The following NIPBL variants were observed in gnomAD, a reference collection of about 807,000 sequenced individuals.
NIPBL encodes the protein NIPBL cohesin loading factor.
Under a neutral mutation model 321.8 loss-of-function variants are expected in NIPBL, and 19 were observed. The ratio of observed to expected loss-of-function variants is 0.06; its 90% CI spans 0.04 to 0.09. The LOEUF (loss-of-function observed/expected upper bound fraction) is 0.09. Among genes scored for constraint, NIPBL ranks in the 10% least tolerant of loss-of-function variants. The pLI is 1.00. For synonymous variants in NIPBL, 1,106 were observed against 1,114.1 expected (o/e 0.99, Z 0.14); for missense variants, 2,210 against 3,327.0 (o/e 0.66, Z 8.26).
chr5:37,041,359 C>A (rs1372170622), intron 34 of NIPBL, among the ~76,000 whole-genome samples: 1 of 142,334 alleles, frequency 7.0e-6, no homozygotes, highest in African/African-American at 2.6e-5. Context: ...TGCCTCCTGG[C>A]TTCAAGCGAT....
At chr5:36,895,730 T>C (rs185242784) in intron 1 of NIPBL, among the ~76,000 whole-genome samples, 229 of 152,362 alleles carry the variant, frequency 1.5e-3, no homozygotes, top group Admixed American at 2.5e-3. Flanking sequence ...CACCTTTTTA[T>C]GTGCTTATTG....
In NIPBL at chr5:36,976,169, C is replaced by T. The variant is rs758313905; in HGVS notation, c.1262C>T (p.Ser421Leu). The T allele has an allele frequency of 1.1e-5, 17 of 1,612,676 alleles. No individual in the cohort carries two copies. Among genetic ancestry groups the T allele is most frequent in the South Asian group, 4.4e-5 (4 of 90,916 alleles). The change falls in exon 9 of 47, where the codon TCG (serine) becomes TTG (leucine). Residue 421 changes from serine to leucine, a missense_variant. By Grantham distance (145) the Ser-to-Leu change is moderately radical. Coordinates refer to ENST00000282516, the MANE Select transcript of NIPBL (RefSeq NM_133433.4). ...CCACTAAATGCTGCTCAATGTTTGT[C>T]GCAGCAAGAACAAACAGCATTCCTT... is the stretch of plus-strand genomic sequence containing the variant. ...NRPLNAAQCL[S>L]QQEQTAFLPA... is the part of the protein sequence containing the mutation.
chr5:37,009,021 C>T (rs151041626), intron 20 of NIPBL, among the ~76,000 whole-genome samples: 341 of 152,282 alleles, frequency 2.2e-3, no homozygotes, highest in Non-Finnish European at 4.0e-3. Context: ...ATACAGCATG[C>T]TCAGCGGCAT....
At chr5:36,895,688 T>G (rs1746678645) in intron 1 of NIPBL, among the ~76,000 whole-genome samples, 1 of 152,226 alleles carries the variant, frequency 6.6e-6, no homozygotes, top group Non-Finnish European at 1.5e-5. Flanking sequence ...GTGGCTTTGA[T>G]TTGCATTTTC....
At chr5:37,042,154 GGGCTGGGCACGGT>G (rs1370688098) in intron 34 of NIPBL, among the ~76,000 whole-genome samples, 1 of 151,778 alleles carries the variant, frequency 6.6e-6, no homozygotes, top group Non-Finnish European at 1.5e-5. Flanking sequence ...AGTCCAAAAT[GGGCTGGGCACGGT>G]GGCTCACGCC....
At chr5:36,980,928 G>A (rs989047968) in intron 9 of NIPBL, among the ~76,000 whole-genome samples, 11 of 151,718 alleles carry the variant, frequency 7.3e-5, no homozygotes, top group Admixed American at 2.0e-4. Context: ...TTAAAGGTGT[G>A]TATATTGGTC....
At chr5:37,042,783 G>A (rs1226748745) in intron 34 of NIPBL, among the ~76,000 whole-genome samples, 4 of 149,344 alleles carry the variant, frequency 2.7e-5, no homozygotes, top group Non-Finnish European at 4.4e-5. Flanking sequence ...CCAAGATCGC[G>A]CCACTGCATT....
intron 6 of NIPBL, among the ~76,000 whole-genome samples, chr5:36,970,044 A>G (rs1254076666): frequency 6.6e-6 from 1 of 152,142 alleles, no homozygotes; most frequent in Non-Finnish European, 1.5e-5. Context: ...AGAATGAACA[A>G]ATAAATAGTG....
rs1747503760 is a variant in NIPBL, at chr5:36,904,830, T to G, written c.-80+27652T>G. 2.0e-5 allele frequency among the ~76,000 whole-genome samples: 3 copies of G among 152,288 alleles called. No homozygotes were observed. In the South Asian group the frequency reaches 6.2e-4, roughly 32 times the overall value. On this transcript the variant is annotated intron_variant, in intron 1 of 46. Coordinates refer to ENST00000282516, the MANE Select transcript of NIPBL (RefSeq NM_133433.4). Reference sequence around the variant, plus strand: ...GGCAGCTGACTTCCCTTAAAGTGACTAAGAGAGGGTACCACAACAGAAGCC... The same window carrying G: ...GGCAGCTGACTTCCCTTAAAGTGACGAAGAGAGGGTACCACAACAGAAGCC...
intron 46 of NIPBL, 74 bp downstream of exon 46, chr5:37,064,052 G>A: frequency 6.4e-7 from 1 of 1,567,478 alleles, no homozygotes; most frequent in Non-Finnish European, 8.7e-7. Context: ...ATATATGTCA[G>A]TCTATTAAAT....
At position 37,000,809 on chromosome 5, in the gene NIPBL, C is replaced by A; in HGVS notation, c.3503-8C>A. On this transcript the variant is annotated splice_region_variant and splice_polypyrimidine_tract_variant and intron_variant, in intron 12 of 46. Coordinates refer to ENST00000282516, the MANE Select transcript of NIPBL (RefSeq NM_133433.4). Reference sequence around the variant, plus strand: ...CTGCATTTCAGTACTTCTTTTTGTTCGTTTTAGTTGCTAGGAAAATGAAGA... The same window carrying A: ...CTGCATTTCAGTACTTCTTTTTGTTAGTTTTAGTTGCTAGGAAAATGAAGA... 3 of 1,603,208 alleles carry A rather than the reference C, an allele frequency of 1.9e-6. No individual in the cohort carries two copies. The South Asian group carries it at 3.3e-5, about 18-fold the overall frequency.
chr5:36,920,632 T>C (rs1748859354), intron 1 of NIPBL, among the ~76,000 whole-genome samples: 1 of 152,200 alleles, frequency 6.6e-6, no homozygotes, highest in Non-Finnish European at 1.5e-5. Flanking sequence ...ATTATGTTCT[T>C]TGCTACTTAG....
intron 29 of NIPBL, among the ~76,000 whole-genome samples, chr5:37,023,750 C>CTTTTT (rs779595045): frequency 3.4e-4 from 26 of 75,844 alleles, no homozygotes; most frequent in African/African-American, 5.6e-4. Flanking sequence ...TTTTCTTATT[C>CTTTTT]TTTTTTTTTT....
chr5:36,938,814 C>G (rs913629597), intron 1 of NIPBL, among the ~76,000 whole-genome samples: 2 of 152,122 alleles, frequency 1.3e-5, no homozygotes, highest in Admixed American at 1.3e-4. Context: ...AGGAAACTGA[C>G]GTTGATACAA....
chr5:37,022,668 A>AT (rs1306735387), intron 29 of NIPBL, among the ~76,000 whole-genome samples: 1 of 152,132 alleles, frequency 6.6e-6, no homozygotes, highest in African/African-American at 2.4e-5. Context: ...TAGGAACCAC[A>AT]TGGGGTAGTT....
intron 32 of NIPBL, among the ~76,000 whole-genome samples, chr5:37,033,109 T>G (rs1460887662): frequency 6.6e-6 from 1 of 152,180 alleles, no homozygotes; most frequent in Non-Finnish European, 1.5e-5. Context: ...TTCAATATCC[T>G]TGAATGATTA....
intron 16 of NIPBL, among the ~76,000 whole-genome samples, chr5:37,003,767 T>G (rs1747099154): frequency 6.6e-6 from 1 of 152,210 alleles, no homozygotes; most frequent in Non-Finnish European, 1.5e-5. Flanking sequence ...TTCATTAGCA[T>G]TGCTAGTAGA....
intron 6 of NIPBL, among the ~76,000 whole-genome samples, chr5:36,967,611 A>T (rs1363511454): frequency 6.6e-6 from 1 of 152,176 alleles, no homozygotes; most frequent in Non-Finnish European, 1.5e-5. Flanking sequence ...CAGTCATCAC[A>T]TATGAACATT....
chr5:36,919,371 T>C (rs955143769), intron 1 of NIPBL, among the ~76,000 whole-genome samples: 20 of 149,028 alleles, frequency 1.3e-4, no homozygotes, highest in African/African-American at 4.9e-4. Flanking sequence ...CTACCTCTCT[T>C]TTTTTTTTTA....
Sources: gnomAD v4.1 joint callset for allele counts (sites outside exome capture counted in the v4.1 genomes callset) on GRCh38, gnomAD v4.1.1 for gene constraint, MANE v1.5 for transcripts, NCBI Gene and HGNC (gene_info 2026-07-23, HGNC 2026-07-21) for gene names.